SPAG16: variants seen among roughly 807,000 people sequenced by gnomAD.
The protein encoded by SPAG16 is sperm-associated antigen 16 protein.
In SPAG16, 86 loss-of-function variants were observed where a neutral mutation model predicts 80.4. The observed-to-expected ratio is 1.07, with a 90% CI of 0.90 to 1.28. The LOEUF (loss-of-function observed/expected upper bound fraction) is 1.28. Ranked by LOEUF, SPAG16 falls within the 50% of genes most tolerant of loss-of-function variation. The probability of loss-of-function intolerance (pLI) is 0.00; values close to 1 mark genes in which losing one functional copy is unlikely to be tolerated. For missense variants in SPAG16, 870 were observed against 765.3 expected (o/e 1.14, Z -1.61); for synonymous variants, 294 against 265.9 (o/e 1.11, Z -1.03).
At chr2:213,833,989 C>T (rs948582203) in intron 10 of SPAG16, among the ~76,000 whole-genome samples, 1 of 151,988 alleles carries the variant, frequency 6.6e-6, no homozygotes, top group African/African-American at 2.4e-5. Flanking sequence ...GGAAGGGGCC[C>T]AGGGAGAGGA....
intron 10 of SPAG16, among the ~76,000 whole-genome samples, chr2:213,575,837 C>T (rs1364311741): frequency 6.6e-6 from 1 of 152,064 alleles, no homozygotes; most frequent in Non-Finnish European, 1.5e-5. Context: ...TATTTTGTGT[C>T]TCACAAATCA....
At chr2:213,541,353 T>A (rs1402538391) in intron 10 of SPAG16, among the ~76,000 whole-genome samples, 2 of 152,180 alleles carry the variant, frequency 1.3e-5, no homozygotes, top group African/African-American at 4.8e-5. Context: ...GCACGGTGGC[T>A]CACACCTGTA....
intron 15 of SPAG16, among the ~76,000 whole-genome samples, chr2:214,151,542 T>A (rs1486602530): frequency 6.6e-6 from 1 of 152,160 alleles, no homozygotes; most frequent in East Asian, 1.9e-4. Flanking sequence ...CATTTGAATA[T>A]ACCTTTATTT....
At chr2:214,324,038 G>T (rs1696300064) in intron 15 of SPAG16, among the ~76,000 whole-genome samples, 1 of 152,186 alleles carries the variant, frequency 6.6e-6, no homozygotes, top group Non-Finnish European at 1.5e-5. Context: ...CTGCTATAGA[G>T]TAACCTTTAA....
At chr2:213,719,821 G>A (rs554422766) in intron 10 of SPAG16, among the ~76,000 whole-genome samples, 53 of 152,220 alleles carry the variant, frequency 3.5e-4, no homozygotes, top group African/African-American at 1.2e-3. Flanking sequence ...ATTTGACCCA[G>A]CAATCCCATT....
chr2:214,115,674 C>G (rs2053895889), intron 14 of SPAG16, among the ~76,000 whole-genome samples: 1 of 152,028 alleles, frequency 6.6e-6, no homozygotes, highest in South Asian at 2.1e-4. Context: ...GTCAGGAGAT[C>G]GAGACCATCC....
chr2:213,992,729 T>G (rs555326587), intron 12 of SPAG16, among the ~76,000 whole-genome samples: 61 of 152,318 alleles, frequency 4.0e-4, no homozygotes, highest in Non-Finnish European at 7.5e-4. Flanking sequence ...AAAAGCCTGA[T>G]GATTGGTTTG....
In SPAG16 at chr2:213,692,431, G is replaced by C. The variant is rs544158062; in HGVS notation, c.1071-170054G>C. 1.6e-4 allele frequency among the ~76,000 whole-genome samples: 25 copies of C among 152,262 alleles called. No homozygotes were observed. The South Asian group carries it at 3.9e-3, about 24-fold the overall frequency. ...AAAATATATTAAGAAAAAGCAGAGA[G>C]AGAGCCACTGATTTATTGTGTTTGG... On this transcript the variant is annotated intron_variant, in intron 10 of 15. Coordinates refer to ENST00000331683, the MANE Select transcript of SPAG16 (RefSeq NM_024532.5).
intron 15 of SPAG16, among the ~76,000 whole-genome samples, chr2:214,291,695 A>G (rs183483815): frequency 1.1e-4 from 17 of 152,264 alleles, no homozygotes; most frequent in Admixed American, 9.2e-4. Flanking sequence ...TTGATATGTA[A>G]GGTTTACTTC....
At chr2:213,428,976 C>T (rs2070118473) in intron 9 of SPAG16, among the ~76,000 whole-genome samples, 1 of 151,848 alleles carries the variant, frequency 6.6e-6, no homozygotes, top group Admixed American at 6.6e-5. Flanking sequence ...CCTGTAATCC[C>T]AGCTACTCAG....
At chr2:214,115,272 A>G (rs1411116243) in intron 14 of SPAG16, among the ~76,000 whole-genome samples, 5 of 152,246 alleles carry the variant, frequency 3.3e-5, no homozygotes, top group Non-Finnish European at 7.3e-5. Flanking sequence ...AGGACATGGC[A>G]TTGAGACACA....
intron 12 of SPAG16, among the ~76,000 whole-genome samples, chr2:213,986,203 A>G (rs1173497587): frequency 6.6e-6 from 1 of 152,086 alleles, no homozygotes; most frequent in African/African-American, 2.4e-5. Context: ...AGTTGGGCAC[A>G]ATTTGAATTG....
chr2:213,501,392 C>G (rs1224559097), intron 10 of SPAG16, among the ~76,000 whole-genome samples: 1 of 152,130 alleles, frequency 6.6e-6, no homozygotes, highest in African/African-American at 2.4e-5. Flanking sequence ...AATTTACCTG[C>G]ATTTGTTTTA....
chr2:214,263,899 C>T (rs1691359431), intron 15 of SPAG16, among the ~76,000 whole-genome samples: 1 of 152,162 alleles, frequency 6.6e-6, no homozygotes. Context: ...TTTATACATG[C>T]ATGCACTTGG....
At chr2:214,246,007 T>C (rs1247785678) in intron 15 of SPAG16, among the ~76,000 whole-genome samples, 2 of 152,308 alleles carry the variant, frequency 1.3e-5, no homozygotes, top group African/African-American at 4.8e-5. Flanking sequence ...CCCCATTGTA[T>C]GGGTATTGCA....
At chr2:214,371,982 A>G (rs541632224) in intron 15 of SPAG16, among the ~76,000 whole-genome samples, 13 of 152,218 alleles carry the variant, frequency 8.5e-5, no homozygotes, top group Admixed American at 4.6e-4. Flanking sequence ...CACCCAGCCG[A>G]TATGTAATAT....
intron 10 of SPAG16, among the ~76,000 whole-genome samples, chr2:213,602,099 G>A (rs1201454927): frequency 6.6e-6 from 1 of 152,200 alleles, no homozygotes; most frequent in African/African-American, 2.4e-5. Flanking sequence ...ACCCTTGCCT[G>A]CCACTTACCT....
intron 15 of SPAG16, among the ~76,000 whole-genome samples, chr2:214,337,545 G>T (rs1354064920): frequency 1.3e-5 from 2 of 152,196 alleles, no homozygotes; most frequent in Non-Finnish European, 2.9e-5. Context: ...ATATAATGTT[G>T]TTTGGGCCCT....
intron 10 of SPAG16, among the ~76,000 whole-genome samples, chr2:213,497,674 T>TTATA (rs2074555150): frequency 6.6e-6 from 1 of 152,122 alleles, no homozygotes; most frequent in African/African-American, 2.4e-5. Context: ...CATACTATAA[T>TTATA]TATATATAGC....
Sources: gnomAD v4.1 joint callset for allele counts (sites outside exome capture counted in the v4.1 genomes callset) on GRCh38, gnomAD v4.1.1 for gene constraint, MANE v1.5 for transcripts, NCBI Gene and HGNC (gene_info 2026-07-23, HGNC 2026-07-21) for gene names.